Variants in IFT88 observed in about 807,000 individuals in gnomAD.
The protein encoded by IFT88 is intraflagellar transport 88, also known as intraflagellar transport protein 88 homolog.
Under a neutral mutation model 119.5 loss-of-function variants are expected in IFT88, and 74 were observed. The ratio of observed to expected loss-of-function variants is 0.62; its 90% CI spans 0.51 to 0.75. IFT88 has a LOEUF of 0.75. IFT88 is among the 30% of genes least tolerant of loss of function. The pLI is 0.00. For missense variants in IFT88, 961 were observed against 977.7 expected (o/e 0.98, Z 0.23); for synonymous variants, 279 against 316.7 (o/e 0.88, Z 1.26).
At chr13:20,575,035 A>G (rs1041978453) in intron 2 of IFT88, among the ~76,000 whole-genome samples, 4 of 151,056 alleles carry the variant, frequency 2.6e-5, no homozygotes, top group African/African-American at 9.7e-5. Flanking sequence ...CCATTTTGCT[A>G]TCAAATACTA....
chr13:20,590,342 T>G (rs2040448253), intron 4 of IFT88, among the ~76,000 whole-genome samples: 1 of 152,154 alleles, frequency 6.6e-6, no homozygotes, highest in Admixed American at 6.6e-5. Flanking sequence ...CTTTTTAATC[T>G]TGTTCAAATT....
intron 19 of IFT88, among the ~76,000 whole-genome samples, chr13:20,643,899 G>A (rs1044344404): frequency 1.3e-5 from 2 of 151,924 alleles, no homozygotes; most frequent in African/African-American, 2.4e-5. Context: ...GATTACAGGC[G>A]CCTGCCACCA....
In IFT88 at chr13:20,689,098, T is replaced by C. The variant is rs943805093; in HGVS notation, c.2243-1607T>C. On this transcript the variant is annotated intron_variant, in intron 24 of 25. Transcript: ENST00000351808. ...ACAGGTGTGCACCACCACGCCCGGCTAATTTTTGTATTTTTAGTAGAGACG... is the reference window on the plus strand; with the variant it reads ...ACAGGTGTGCACCACCACGCCCGGCCAATTTTTGTATTTTTAGTAGAGACG... Among the ~76,000 whole-genome samples, 2 of 152,088 alleles carry C rather than the reference T, an allele frequency of 1.3e-5. 1 individual carries two copies. The highest frequency in any genetic ancestry group is 4.8e-5 in the African/African-American group (2 of 41,428).
chr13:20,605,079 T>A lies in IFT88; in HGVS notation c.1086T>A (p.Asp362Glu). ...TNLVTEAIKN[D>E]HLRQMERERK... ...TAGTAACTGAAGCTATAAAAAATGA[T>A]CACCTCAGGCAAATGGAACGTGAAA... Residue 362 changes from aspartate (D) to glutamate (E), a missense_variant, in exon 13 of 26, where the codon GAT (aspartate) becomes GAA (glutamate). By Grantham distance (45) the Asp-to-Glu change is conservative. Transcript: ENST00000351808. 6.6e-7 allele frequency: 1 copy of A among 1,508,318 alleles called. No homozygotes were observed. The highest frequency in any genetic ancestry group is 9.2e-7 in the Non-Finnish European group (1 of 1,087,242). 93.4% of individuals were successfully genotyped at this position (1,508,318 alleles called of 1,614,324 possible). A position where few individuals can be genotyped will look rare whatever the true frequency, so the allele number is the denominator to read the frequency against.
chr13:20,683,665 AC>A (rs2057571895), intron 24 of IFT88, among the ~76,000 whole-genome samples: 1 of 152,150 alleles, frequency 6.6e-6, no homozygotes. Flanking sequence ...TCCTGTATCT[AC>A]CAATCCTTTC....
intron 16 of IFT88, among the ~76,000 whole-genome samples, chr13:20,637,301 A>G (rs893501804): frequency 2.0e-5 from 3 of 152,224 alleles, no homozygotes; most frequent in African/African-American, 7.2e-5. Context: ...TAAACTTTTT[A>G]AAAAGTTTAA....
At chr13:20,597,586 T>C (rs2041893408) in intron 9 of IFT88, among the ~76,000 whole-genome samples, 1 of 151,490 alleles carries the variant, frequency 6.6e-6, no homozygotes, top group Admixed American at 6.6e-5. Flanking sequence ...CTACTAAAAA[T>C]ACAAAAAATT....
intron 20 of IFT88, 69 bp downstream of exon 20, chr13:20,645,027 G>C (rs1287668307): frequency 1.5e-6 from 1 of 683,836 alleles, no homozygotes; most frequent in African/African-American, 1.8e-5. Context: ...CCTAGAATTA[G>C]TATCTGATAG....
chr13:20,629,588 A>G (rs1165409505), intron 15 of IFT88, among the ~76,000 whole-genome samples: 1 of 152,222 alleles, frequency 6.6e-6, no homozygotes, highest in African/African-American at 2.4e-5. Context: ...ATAACAGTTT[A>G]CTCATATTCT....
In IFT88 at chr13:20,570,576, AAGCATTATGC is replaced by A. The variant is rs1489332373; in HGVS notation, c.-7+3321_-7+3330del. Among the ~76,000 whole-genome samples, 3 of 152,232 alleles carry A rather than the reference AAGCATTATGC, an allele frequency of 2.0e-5. No homozygotes were observed. In the East Asian group the frequency reaches 5.8e-4, roughly 29 times the overall value. On this transcript the variant is annotated intron_variant, in intron 1 of 25. Transcript: ENST00000351808. ...ATACTACTGCGTGGATGAACCTTGG[AAGCATTATGC>A]TAAGTGAAAGAGACCAGACACAAAA...
intron 16 of IFT88, among the ~76,000 whole-genome samples, chr13:20,634,796 T>A (rs532341598): frequency 1.1e-5 from 1 of 87,644 alleles, no homozygotes; most frequent in African/African-American, 4.1e-5. Context: ...ATCCAAAGAT[T>A]TCTTTATTTT....
At position 20,643,543 on chromosome 13, in the gene IFT88, AAGCT is replaced by A; in HGVS notation, c.1774_1777del (p.Leu592GlufsTer62). On this transcript the variant is annotated frameshift_variant, in exon 19 of 26. Coordinates refer to ENST00000351808, the MANE Select transcript of IFT88 (RefSeq NM_006531.5). LOFTEE classifies it high-confidence loss of function. ...TCCAACCGATCCTCAAGTTTTATCT[AAGCT>A]AGGAGAATTATATGATCGTGAAGGA... 1 of 1,610,304 alleles carries A rather than the reference AAGCT, an allele frequency of 6.2e-7. No homozygotes were observed. The highest frequency in any genetic ancestry group is 8.5e-7 in the Non-Finnish European group (1 of 1,176,692).
chr13:20,655,664 T>C (rs1435173478), intron 21 of IFT88, among the ~76,000 whole-genome samples: 3 of 151,916 alleles, frequency 2.0e-5, no homozygotes, highest in Non-Finnish European at 4.4e-5. Context: ...CAGTTAATTT[T>C]TGTATTTTTA....
At chr13:20,647,935 C>T (rs922649758) in intron 20 of IFT88, among the ~76,000 whole-genome samples, 16 of 152,148 alleles carry the variant, frequency 1.1e-4, no homozygotes, top group Admixed American at 3.3e-4. Context: ...GAGAGAATCT[C>T]GACAGCAACA....
chr13:20,680,405 G>A (rs973441266), intron 24 of IFT88, among the ~76,000 whole-genome samples: 2 of 151,462 alleles, frequency 1.3e-5, no homozygotes, highest in Non-Finnish European at 3.0e-5. Context: ...TACCTCCACT[G>A]GGGGGTCTAA....
intron 24 of IFT88, among the ~76,000 whole-genome samples, chr13:20,677,987 G>A (rs1162552929): frequency 1.3e-5 from 2 of 152,296 alleles, no homozygotes; most frequent in East Asian, 3.9e-4. Flanking sequence ...TAGCTTAAGG[G>A]AAGGGGAATG....
chr13:20,582,639 A>G (rs1253674568), intron 2 of IFT88, among the ~76,000 whole-genome samples: 1 of 152,202 alleles, frequency 6.6e-6, no homozygotes, highest in Non-Finnish European at 1.5e-5. Context: ...CCACCAGGAA[A>G]AAAGAAACAG....
At chr13:20,671,530 A>G (rs995969401) in intron 24 of IFT88, among the ~76,000 whole-genome samples, 1 of 152,162 alleles carries the variant, frequency 6.6e-6, no homozygotes, top group African/African-American at 2.4e-5. Flanking sequence ...ATGTCTTTGG[A>G]CCAACCACAT....
At chr13:20,686,156 C>T (rs1376677738) in intron 24 of IFT88, among the ~76,000 whole-genome samples, 1 of 152,198 alleles carries the variant, frequency 6.6e-6, no homozygotes, top group East Asian at 1.9e-4. Flanking sequence ...CCATTGGGAG[C>T]TCCATAGACT....
Sources: allele counts gnomAD v4.1 joint callset (sites outside exome capture counted in the v4.1 genomes callset), GRCh38; gene constraint gnomAD v4.1.1; transcripts MANE v1.5; gene names NCBI Gene and HGNC (gene_info 2026-07-23, HGNC 2026-07-21).